The following MAP3K2 variants were observed in gnomAD, a reference collection of about 807,000 sequenced individuals.
The protein encoded by MAP3K2 is MAP/ERK kinase kinase 2.
In MAP3K2, 24 loss-of-function variants were observed where a neutral mutation model predicts 80.3. The ratio of observed to expected loss-of-function variants is 0.30; its 90% confidence interval spans 0.22 to 0.42. The LOEUF (loss-of-function observed/expected upper bound fraction) is 0.42. Ranked by LOEUF, MAP3K2 falls within the 10% of genes least tolerant of loss-of-function variation. The pLI is 1.00. For synonymous variants in MAP3K2, 244 were observed against 253.7 expected, an observed-to-expected ratio of 0.96 and a Z score of 0.36; for missense variants, 608 against 750.1, an observed-to-expected ratio of 0.81 and a Z score of 2.21.
intron 1 of MAP3K2, among the ~76,000 whole-genome samples, chr2:127,365,044 G>GAGGCAGAGGTTGCAATA: frequency 9.0e-6 from 1 of 111,462 alleles, no homozygotes; most frequent in African/African-American, 4.0e-5. Flanking sequence ...TTGAGCCCAG[G>GAGGCAGAGGTTGCAATA]AGGCAGAGGT....
At chr2:127,378,546 T>C (rs1180940387) in intron 1 of MAP3K2, among the ~76,000 whole-genome samples, 2 of 152,190 alleles carry the variant, frequency 1.3e-5, no homozygotes, top group African/African-American at 2.4e-5. Flanking sequence ...TAACATTCAG[T>C]TTAAATATTA....
At position 127,369,361 on chromosome 2, in the gene MAP3K2, G is replaced by A. The variant is rs185783682; in HGVS notation, c.-66+18091C>T. Among the ~76,000 whole-genome samples the A allele has an allele frequency of 1.2e-3, 183 of 149,676 alleles. 1 individual carries two copies. In the South Asian group the frequency reaches 0.018, roughly 15 times the overall value. On this transcript the variant is annotated intron_variant, in intron 1 of 16. Coordinates refer to ENST00000682094, the MANE Select transcript of MAP3K2 (RefSeq NM_001371910.2). Reference sequence around the variant, plus strand: ...AAACAGCAAATAATAGGCTGGGCGCGGTGGCTCACGCCTGTAATCCCAGCA... The same window carrying A: ...AAACAGCAAATAATAGGCTGGGCGCAGTGGCTCACGCCTGTAATCCCAGCA...
At position 127,321,928 on chromosome 2, in the gene MAP3K2, CCTT is replaced by C. The variant is rs1686028444; in HGVS notation, c.1045+115_1045+117del. The C allele has an allele frequency of 1.2e-6, 1 of 803,176 alleles. No homozygotes were observed. Among genetic ancestry groups the C allele is most frequent in the Non-Finnish European group, 2.0e-6 (1 of 491,914 alleles). The allele number at this position is 803,176 out of a possible 1,614,324, so 49.8% of individuals were successfully genotyped here. On this transcript the variant is annotated intron_variant, in intron 12 of 16. Transcript: ENST00000682094. The surrounding 1 kb of genome is among the most constrained non-coding windows in gnomAD (Gnocchi z 4.4). ...ACCACCTTTAGAAACACCATTATTA[CCTT>C]TTTTGAGTAGTTCATCTGACCCCAA...
rs1344326874 is a variant in MAP3K2 at position 127,309,214 on chromosome 2, C to CTAT, written c.1457-455_1457-453dup. The stretch of plus-strand genomic sequence containing the variant: ...TTCAGAACAAAAGCATTTTCCCCCT[C>CTAT]TATTACTTAAATTTAGTTACCTTAC... On this transcript the variant is annotated intron_variant, in intron 15 of 16. Coordinates refer to ENST00000682094, the MANE Select transcript of MAP3K2 (RefSeq NM_001371910.2). Among the ~76,000 whole-genome samples the CTAT allele has an allele frequency of 2.0e-5, 3 of 152,168 alleles. No individual in the cohort carries two copies. The South Asian group carries it at 6.2e-4, about 32-fold the overall frequency.
At chr2:127,384,130 C>T (rs1352987898) in intron 1 of MAP3K2, among the ~76,000 whole-genome samples, 2 of 151,290 alleles carry the variant, frequency 1.3e-5, no homozygotes, top group African/African-American at 4.9e-5. Flanking sequence ...CTCCTGACCT[C>T]GTGATCTGCC....
intron 1 of MAP3K2, among the ~76,000 whole-genome samples, chr2:127,369,719 C>T (rs1011802508): frequency 6.6e-6 from 1 of 152,088 alleles, no homozygotes; most frequent in African/African-American, 2.4e-5. Context: ...TTAAATTTCC[C>T]CATCCTGTTT....
At chr2:127,309,611 C>T (rs190255604) in intron 15 of MAP3K2, among the ~76,000 whole-genome samples, 6 of 152,252 alleles carry the variant, frequency 3.9e-5, no homozygotes, top group Admixed American at 2.6e-4. Flanking sequence ...ATTTAGTCAT[C>T]GTGTCCCCTG....
chr2:127,353,214 G>A (rs900407930), intron 1 of MAP3K2, among the ~76,000 whole-genome samples: 3 of 151,472 alleles, frequency 2.0e-5, no homozygotes, highest in African/African-American at 7.3e-5. Context: ...GGAAAGTGAG[G>A]AGCGTCTCTG....
intron 8 of MAP3K2, 23 bp downstream of exon 8, chr2:127,326,664 T>C: frequency 2.0e-6 from 3 of 1,517,224 alleles, no homozygotes; most frequent in South Asian, 2.6e-5. Flanking sequence ...AAATTAAATT[T>C]AAAAAATCAA....
intron 2 of MAP3K2, among the ~76,000 whole-genome samples, chr2:127,340,043 T>C (rs1686446474): frequency 6.6e-6 from 1 of 152,180 alleles, no homozygotes; most frequent in Non-Finnish European, 1.5e-5. Flanking sequence ...CACAAACAGC[T>C]GACTTCTCTA....
chr2:127,313,524 A>G (rs911122904), intron 15 of MAP3K2, among the ~76,000 whole-genome samples: 4 of 152,204 alleles, frequency 2.6e-5, no homozygotes, highest in African/African-American at 9.7e-5. Context: ...GGCCATAATT[A>G]GGACGTGCCA....
chr2:127,374,642 G>C (rs184695927), intron 1 of MAP3K2, among the ~76,000 whole-genome samples: 39 of 152,312 alleles, frequency 2.6e-4, no homozygotes, highest in African/African-American at 8.7e-4. Flanking sequence ...GGAAAACGTA[G>C]ATATGTACAT....
chr2:127,325,671 G>T (rs1686120119), intron 9 of MAP3K2, 57 bp downstream of exon 9: 8 of 1,407,842 alleles, frequency 5.7e-6, no homozygotes, highest in Non-Finnish European at 7.0e-6. Flanking sequence ...CTGGGTGACA[G>T]CAAAACTCTG....
At position 127,309,248 on chromosome 2, in the gene MAP3K2, GT is replaced by G. The variant is rs540635791; in HGVS notation, c.1457-487del. ...AAATTTAGTTACCTTACATTTTAGA[GT>G]TTTCTTAATATTGAATCTTGCTTTA... is the stretch of plus-strand genomic sequence containing the variant. On this transcript the variant is annotated intron_variant, in intron 15 of 16. Coordinates refer to ENST00000682094, the MANE Select transcript of MAP3K2 (RefSeq NM_001371910.2). Among the ~76,000 whole-genome samples the G allele has an allele frequency of 3.9e-3, 597 of 152,110 alleles. 1 individual carries two copies. The highest frequency in any genetic ancestry group is 7.1e-3 in the Non-Finnish European group (481 of 67,980).
rs1328186668 is a variant in MAP3K2, at chr2:127,310,006, T to C, written c.1457-1244A>G. Among the ~76,000 whole-genome samples the C allele has an allele frequency of 4.6e-5, 7 of 152,272 alleles. No individual in the cohort carries two copies. The East Asian group carries it at 1.4e-3, about 29-fold the overall frequency. On this transcript the variant is annotated intron_variant, in intron 15 of 16. Coordinates refer to ENST00000682094, the MANE Select transcript of MAP3K2 (RefSeq NM_001371910.2). The surrounding 1 kb of genome is among the most constrained non-coding windows in gnomAD (Gnocchi z 4.8). ...AGGCTGAGTAGCTACATAAATTATT[T>C]GGAGTTATGCTGCAGAAGAGATTTG...
At chr2:127,349,938 T>C (rs907314033) in intron 1 of MAP3K2, among the ~76,000 whole-genome samples, 1 of 152,072 alleles carries the variant, frequency 6.6e-6, no homozygotes, top group African/African-American at 2.4e-5. Flanking sequence ...GCAGTGGTAC[T>C]ATCACAGCTC....
chr2:127,353,773 T>C (rs895360175), intron 1 of MAP3K2, among the ~76,000 whole-genome samples: 5 of 152,020 alleles, frequency 3.3e-5, no homozygotes, highest in African/African-American at 4.8e-5. Flanking sequence ...CGGGCCATGA[T>C]GACAATGGCA....
In MAP3K2 at chr2:127,387,478, C is replaced by T. The variant is rs1487790867; in HGVS notation, c.-92G>A. 1.0e-5 allele frequency: 10 copies of T among 985,168 alleles called. No homozygotes were observed. Among genetic ancestry groups the T allele is most frequent in the African/African-American group, 1.8e-5 (1 of 56,996 alleles). The allele number at this position is 985,168 out of a possible 1,614,324, so 61.0% of individuals were successfully genotyped here. On this transcript the variant is annotated 5_prime_UTR_variant, in exon 1 of 17. Transcript: ENST00000682094. ...GGCTGCTCCGCAGGGACGTAGAGAG[C>T]CGCAGGCCCAAGGAGGGGCCGCCCC...
chr2:127,336,837 G>A (rs1427343442), intron 4 of MAP3K2, among the ~76,000 whole-genome samples: 6 of 152,226 alleles, frequency 3.9e-5, no homozygotes, highest in Admixed American at 3.9e-4. Context: ...GACACTAATA[G>A]CAGAAATGAA....
Sources: gnomAD v4.1 joint callset for allele counts (sites outside exome capture counted in the v4.1 genomes callset) on GRCh38, gnomAD v4.1.1 for gene constraint, Gnocchi (gnomAD v3.1) non-coding constraint, MANE v1.5 for transcripts, NCBI Gene and HGNC (gene_info 2026-07-23, HGNC 2026-07-21) for gene names.